Variants in EIF4E3 observed in about 807,000 individuals in gnomAD.
EIF4E3 encodes the protein eukaryotic translation initiation factor 4E type 3.
In EIF4E3, 26 loss-of-function variants were observed where a neutral mutation model predicts 31.7. That is an observed-to-expected ratio of 0.82 (90% CI 0.60 to 1.14). The LOEUF is 1.14. Ranked by LOEUF, EIF4E3 falls within the 50% of genes most tolerant of loss-of-function variation. EIF4E3 has a pLI of 0.00. For synonymous variants in EIF4E3, 128 were observed against 107.7 expected (o/e 1.19, Z -1.17); for missense variants, 304 against 270.9 (o/e 1.12, Z -0.86).
intron 2 of EIF4E3, among the ~76,000 whole-genome samples, chr3:71,701,895 T>G (rs9828275): frequency 3.9e-5 from 6 of 151,988 alleles, no homozygotes; most frequent in South Asian, 2.1e-4. Context: ...AGCTACTGTA[T>G]TAACAGTAGC....
At chr3:71,735,745 A>T (rs1297449881) in intron 1 of EIF4E3, among the ~76,000 whole-genome samples, 2 of 151,780 alleles carry the variant, frequency 1.3e-5, no homozygotes, top group African/African-American at 2.4e-5. Flanking sequence ...TTTCTGGATC[A>T]AAGTAACCCA....
At chr3:71,695,264 T>C (rs2049120529) in intron 4 of EIF4E3, among the ~76,000 whole-genome samples, 1 of 152,100 alleles carries the variant, frequency 6.6e-6, no homozygotes, top group Non-Finnish European at 1.5e-5. Context: ...CCCACAAGAC[T>C]CCCACTGGTT....
chr3:71,687,456 C>A (rs1304171505), intron 6 of EIF4E3, among the ~76,000 whole-genome samples: 1 of 152,030 alleles, frequency 6.6e-6, no homozygotes, highest in African/African-American at 2.4e-5. Flanking sequence ...TATACTTTTT[C>A]TTTTTTTTCC....
intron 6 of EIF4E3, among the ~76,000 whole-genome samples, chr3:71,685,623 A>G (rs2048980896): frequency 6.6e-6 from 1 of 152,186 alleles, no homozygotes; most frequent in Admixed American, 6.5e-5. Flanking sequence ...TCAGCCTCCC[A>G]AAGTAGTGGG....
intron 3 of EIF4E3, among the ~76,000 whole-genome samples, chr3:71,697,289 G>C (rs1277664407): frequency 6.6e-6 from 1 of 152,126 alleles, no homozygotes; most frequent in African/African-American, 2.4e-5. Flanking sequence ...CCAAAGTGCT[G>C]GGATTACAGG....
the EIF4E3 span, among the ~76,000 whole-genome samples, chr3:71,670,288 T>C: frequency 6.6e-6 from 1 of 152,164 alleles, no homozygotes; most frequent in Non-Finnish European, 1.5e-5. Context: ...AGACAGCTTT[T>C]GCAAGTAAAT....
intron 1 of EIF4E3, among the ~76,000 whole-genome samples, chr3:71,737,768 A>AAAAC (rs572309367): frequency 3.7e-4 from 56 of 152,020 alleles, no homozygotes; most frequent in South Asian, 8.3e-4. Flanking sequence ...TCTCTACCAA[A>AAAAC]AAACAAACAA....
intron 2 of EIF4E3, among the ~76,000 whole-genome samples, chr3:71,706,611 A>G (rs1180421060): frequency 2.0e-5 from 3 of 152,106 alleles, no homozygotes; most frequent in Non-Finnish European, 4.4e-5. Context: ...GAGGTCAGAA[A>G]TTCGAGACTA....
chr3:71,692,887 G>A (rs1400034632), intron 5 of EIF4E3, among the ~76,000 whole-genome samples: 1 of 152,090 alleles, frequency 6.6e-6, no homozygotes, highest in Non-Finnish European at 1.5e-5. Flanking sequence ...GGGCCACCAC[G>A]CCCAGCGCAG....
chr3:71,666,700 G>A, the EIF4E3 span, among the ~76,000 whole-genome samples: 5 of 152,200 alleles, frequency 3.3e-5, no homozygotes, highest in African/African-American at 1.2e-4. Context: ...ACTTTGGGAG[G>A]CTGAGGTGGG....
At chr3:71,740,129 T>C (rs2049805236) in intron 1 of EIF4E3, among the ~76,000 whole-genome samples, 1 of 151,700 alleles carries the variant, frequency 6.6e-6, no homozygotes, top group Admixed American at 6.6e-5. Context: ...AAAGAAATTA[T>C]AAATAATATT....
the EIF4E3 span, among the ~76,000 whole-genome samples, chr3:71,664,677 C>G: frequency 3.6e-4 from 55 of 152,252 alleles, no homozygotes; most frequent in African/African-American, 1.3e-3. Context: ...AGTCCGAGAC[C>G]AGTCTGGCCA....
upstream of EIF4E3, among the ~76,000 whole-genome samples, chr3:71,753,841 C>T (rs1036755802): frequency 1.3e-5 from 2 of 148,360 alleles, no homozygotes; most frequent in African/African-American, 4.9e-5. Flanking sequence ...TGGCCGCCTC[C>T]TCCTGCGCGC....
chr3:71,672,258 A>G (rs756081726), downstream of EIF4E3, among the ~76,000 whole-genome samples: 69 of 152,234 alleles, frequency 4.5e-4, no homozygotes, highest in Admixed American at 1.3e-3. Flanking sequence ...TCTTCACAGC[A>G]GAAACATAAA....
At chr3:71,708,921 T>C (rs1452787574) in intron 2 of EIF4E3, among the ~76,000 whole-genome samples, 1 of 152,160 alleles carries the variant, frequency 6.6e-6, no homozygotes, top group Non-Finnish European at 1.5e-5. Context: ...TCCCACAAGC[T>C]TATGTCATTT....
At position 71,693,880 on chromosome 3, in the gene EIF4E3, G is replaced by A; in HGVS notation, c.467C>T (p.Ala156Val). ...TIGEQFTDCAAADDEVIGVSV... is the reference protein window; with the variant it reads ...TIGEQFTDCAVADDEVIGVSV... ...GGAGCCGTGGGCTGCTTTACCTGCT[G>A]CGGCACAGTCTGTGAACTGTTCCCC... Residue 156 changes from alanine to valine, a missense_variant, in exon 5 of 7, where the codon GCA becomes GTA. Coordinates refer to ENST00000425534, the MANE Select transcript of EIF4E3 (RefSeq NM_001134651.2). 9 of 1,570,786 alleles carry A rather than the reference G, an allele frequency of 5.7e-6. No individual in the cohort carries two copies. The highest frequency in any genetic ancestry group is 7.8e-6 in the Non-Finnish European group (9 of 1,158,584).
upstream of EIF4E3, chr3:71,729,107 A>G (rs1338883467): frequency 3.9e-5 from 6 of 152,264 alleles, no homozygotes; most frequent in Non-Finnish European, 7.3e-5. Flanking sequence ...AGGAGCTGGT[A>G]ATCCCATCAG....
chr3:71,691,195 G>A (rs868334909), intron 5 of EIF4E3, among the ~76,000 whole-genome samples: 3 of 152,120 alleles, frequency 2.0e-5, no homozygotes, highest in Non-Finnish European at 4.4e-5. Context: ...TTATCAATAT[G>A]AGAAAATTTT....
intron 2 of EIF4E3, among the ~76,000 whole-genome samples, chr3:71,703,260 G>C (rs2049243594): frequency 6.6e-6 from 1 of 152,166 alleles, no homozygotes; most frequent in South Asian, 2.1e-4. Context: ...GTCAGCTTTT[G>C]ACCACAGCAA....
Sources: allele counts gnomAD v4.1 joint callset (sites outside exome capture counted in the v4.1 genomes callset), GRCh38; gene constraint gnomAD v4.1.1; transcripts MANE v1.5; gene names NCBI Gene and HGNC (gene_info 2026-07-23, HGNC 2026-07-21).